The following KCTD16 variants were observed in gnomAD, a reference collection of about 807,000 sequenced individuals.
The protein encoded by KCTD16 is BTB/POZ domain-containing protein KCTD16.
A neutral mutation model predicts 33.2 loss-of-function variants in KCTD16; 13 were observed. The observed-to-expected ratio is 0.39, with a 90% CI of 0.25 to 0.62. The LOEUF (loss-of-function observed/expected upper bound fraction) is 0.62, where lower values mean the gene tolerates loss of function less well. KCTD16 is among the 20% of genes least tolerant of loss of function. The probability of loss-of-function intolerance (pLI) is 0.50; values close to 1 mark genes in which losing one functional copy is unlikely to be tolerated. For missense variants in KCTD16, 441 were observed against 525.1 expected, an observed-to-expected ratio of 0.84 and a Z score of 1.57; for synonymous variants, 197 against 195.3, an observed-to-expected ratio of 1.01 and a Z score of -0.07.
chr5:144,253,956 A>C (rs1025814040), intron 3 of KCTD16, among the ~76,000 whole-genome samples: 1 of 152,146 alleles, frequency 6.6e-6, no homozygotes. Context: ...GTTGTCAGCT[A>C]TATTTTTACT....
At chr5:144,391,550 C>T (rs1045228291) in intron 3 of KCTD16, among the ~76,000 whole-genome samples, 10 of 152,182 alleles carry the variant, frequency 6.6e-5, no homozygotes, top group Non-Finnish European at 1.0e-4. Flanking sequence ...GAATGAGAAA[C>T]AGATGTACAG....
At chr5:144,448,361 T>G (rs1439453437) in intron 3 of KCTD16, among the ~76,000 whole-genome samples, 1 of 152,126 alleles carries the variant, frequency 6.6e-6, no homozygotes, top group Non-Finnish European at 1.5e-5. Flanking sequence ...CCTAACTGTC[T>G]AAGCCAATTT....
rs568868718 is a variant in KCTD16, at chr5:144,440,691, T to C, written c.833-32969T>C. On this transcript the variant is annotated intron_variant, in intron 3 of 3. Coordinates refer to ENST00000512467, the MANE Select transcript of KCTD16 (RefSeq NM_020768.4). ...TACTGAAAAAAAAAAAATCTGACTG[T>C]GGTTTTGATTTGCATTTCTCTAATG... is the stretch of plus-strand genomic sequence containing the variant. Among the ~76,000 whole-genome samples, 20 of 151,916 alleles carry C rather than the reference T, an allele frequency of 1.3e-4. No individual in the cohort carries two copies. In the South Asian group the frequency reaches 4.2e-3, roughly 32 times the overall value.
At chr5:144,190,764 T>C (rs2126779808) in intron 2 of KCTD16, among the ~76,000 whole-genome samples, 1 of 152,378 alleles carries the variant, frequency 6.6e-6, no homozygotes, top group East Asian at 1.9e-4. Flanking sequence ...TCTGACATTC[T>C]ATATGCTTAT....
In KCTD16 at chr5:144,485,180, A is replaced by T. The variant is rs1754779822; in HGVS notation, c.*11066A>T. On this transcript the variant is annotated 3_prime_UTR_variant, in exon 4 of 4. Coordinates refer to ENST00000512467, the MANE Select transcript of KCTD16 (RefSeq NM_020768.4). Reference sequence around the variant, plus strand: ...TTCTTACCTATTTGTTTTTGCGAGAAAAACATGATAGAAAATGCTACTACT... The same window carrying T: ...TTCTTACCTATTTGTTTTTGCGAGATAAACATGATAGAAAATGCTACTACT... 1 of 151,924 alleles carries T rather than the reference A, an allele frequency of 6.6e-6. No homozygotes were observed. The highest frequency in any genetic ancestry group is 1.9e-4 in the East Asian group (1 of 5,156). The allele number at this position is 151,924 out of a possible 1,614,324, so 9.4% of individuals were successfully genotyped here.
intron 3 of KCTD16, among the ~76,000 whole-genome samples, chr5:144,333,971 A>C (rs774511500): frequency 6.6e-6 from 1 of 152,154 alleles, no homozygotes; most frequent in Non-Finnish European, 1.5e-5. Flanking sequence ...ACCGTTATCC[A>C]ACAATTTGCT....
At chr5:144,335,298 A>G (rs1323363634) in intron 3 of KCTD16, among the ~76,000 whole-genome samples, 1 of 152,262 alleles carries the variant, frequency 6.6e-6, no homozygotes, top group East Asian at 1.9e-4. Context: ...AGAAGAAGAC[A>G]GAGAAAGACT....
intron 3 of KCTD16, among the ~76,000 whole-genome samples, chr5:144,325,543 A>G (rs1033509708): frequency 6.6e-6 from 1 of 151,920 alleles, no homozygotes; most frequent in African/African-American, 2.4e-5. Flanking sequence ...GTGCTCTCCC[A>G]GTTCTGGGCC....
At chr5:144,419,854 G>T (rs1753169927) in intron 3 of KCTD16, among the ~76,000 whole-genome samples, 1 of 151,982 alleles carries the variant, frequency 6.6e-6, no homozygotes, top group Non-Finnish European at 1.5e-5. Context: ...GCATAGGAGA[G>T]CTTATAGCTT....
intron 3 of KCTD16, among the ~76,000 whole-genome samples, chr5:144,260,382 A>G (rs1754972901): frequency 6.6e-6 from 1 of 152,174 alleles, no homozygotes; most frequent in South Asian, 2.1e-4. Flanking sequence ...GGAAGAAGAG[A>G]TTTCAAGGGT....
In KCTD16 at chr5:144,480,260, A is replaced by G. The variant is rs1264894607; in HGVS notation, c.*6146A>G. 1 of 151,944 alleles carries G rather than the reference A, an allele frequency of 6.6e-6. No homozygotes were observed. The highest frequency in any genetic ancestry group is 1.5e-5 in the Non-Finnish European group (1 of 67,910). The allele number at this position is 151,944 out of a possible 1,614,324, so 9.4% of individuals were successfully genotyped here. A position where few individuals can be genotyped will look rare whatever the true frequency, so the allele number is the denominator to read the frequency against. On this transcript the variant is annotated 3_prime_UTR_variant, in exon 4 of 4. Coordinates refer to ENST00000512467, the MANE Select transcript of KCTD16 (RefSeq NM_020768.4). ...GTGCATGGAAAAAGCCTTTGGTTAC[A>G]TAGTTTAACAGCTTTTTAGTTCAGC...
At position 144,415,721 on chromosome 5, in the gene KCTD16, A is replaced by G. The variant is rs186772619; in HGVS notation, c.833-57939A>G. Among the ~76,000 whole-genome samples, 28 of 152,336 alleles carry G rather than the reference A, an allele frequency of 1.8e-4. No individual in the cohort carries two copies. In the East Asian group the frequency reaches 5.0e-3, roughly 27 times the overall value. ...ATTTTCCATGGTTATTAAGAGGATCAAACTTGAAAACATATGTTTGAAGTG... is the reference window on the plus strand; with the variant it reads ...ATTTTCCATGGTTATTAAGAGGATCGAACTTGAAAACATATGTTTGAAGTG... On this transcript the variant is annotated intron_variant, in intron 3 of 3. Coordinates refer to ENST00000512467, the MANE Select transcript of KCTD16 (RefSeq NM_020768.4).
chr5:144,464,634 T>G (rs1754276048), intron 3 of KCTD16, among the ~76,000 whole-genome samples: 1 of 152,192 alleles, frequency 6.6e-6, no homozygotes, highest in South Asian at 2.1e-4. Context: ...ATGTGATAGG[T>G]GCTCACGGTT....
At chr5:144,347,895 G>A (rs889368232) in intron 3 of KCTD16, among the ~76,000 whole-genome samples, 11 of 152,130 alleles carry the variant, frequency 7.2e-5, no homozygotes, top group Admixed American at 3.3e-4. Flanking sequence ...GTGAGCTGCC[G>A]TCTCTTCTCT....
intron 2 of KCTD16, among the ~76,000 whole-genome samples, chr5:144,181,317 AAAAACAAAAC>A (rs1015707217): frequency 3.3e-5 from 5 of 152,220 alleles, no homozygotes; most frequent in African/African-American, 1.2e-4. Flanking sequence ...GATGTAATTG[AAAAACAAAAC>A]AAAACAAAAC....
intron 3 of KCTD16, among the ~76,000 whole-genome samples, chr5:144,462,581 A>C (rs1386969933): frequency 2.0e-5 from 3 of 151,722 alleles, no homozygotes; most frequent in South Asian, 4.2e-4. Context: ...AAAAAAAAAA[A>C]ACAAAAAACT....
At chr5:144,368,219 A>C (rs1480568577) in intron 3 of KCTD16, among the ~76,000 whole-genome samples, 2 of 152,150 alleles carry the variant, frequency 1.3e-5, no homozygotes, top group Non-Finnish European at 2.9e-5. Context: ...ACATTACATG[A>C]CAGAAGGGAA....
At position 144,182,466 on chromosome 5, in the gene KCTD16, A is replaced by T. The variant is rs149916823; in HGVS notation, c.-327+7994A>T. Among the ~76,000 whole-genome samples, 10 of 152,372 alleles carry T rather than the reference A, an allele frequency of 6.6e-5. No individual in the cohort carries two copies. In the East Asian group the frequency reaches 1.7e-3, roughly 26 times the overall value. ...AAAGCAGAATAGAATGATGGTTACC[A>T]TAGGCCAGGGGAAGAAGGGATTGAG... is the stretch of plus-strand genomic sequence containing the variant. On this transcript the variant is annotated intron_variant, in intron 2 of 3. Transcript: ENST00000512467.
At chr5:144,390,557 T>C (rs1201816673) in intron 3 of KCTD16, among the ~76,000 whole-genome samples, 1 of 152,112 alleles carries the variant, frequency 6.6e-6, no homozygotes, top group Non-Finnish European at 1.5e-5. Flanking sequence ...CTTTAAGTTC[T>C]GGGATACATG....
Sources: gnomAD v4.1 joint callset for allele counts (sites outside exome capture counted in the v4.1 genomes callset) on GRCh38, gnomAD v4.1.1 for gene constraint, MANE v1.5 for transcripts, NCBI Gene and HGNC (gene_info 2026-07-23, HGNC 2026-07-21) for gene names.